PODNL1: variants seen among roughly 807,000 people sequenced by gnomAD.
PODNL1 encodes podocan like 1.
Under a neutral mutation model 45.1 loss-of-function variants are expected in PODNL1, and 50 were observed. That is an observed-to-expected ratio of 1.11 (90% CI 0.88 to 1.40). The LOEUF (loss-of-function observed/expected upper bound fraction) is 1.40, where lower values mean the gene tolerates loss of function less well. Ranked by LOEUF, PODNL1 falls within the 40% of genes most tolerant of loss-of-function variation. The pLI is 0.00. For missense variants in PODNL1, 788 were observed against 793.3 expected, an observed-to-expected ratio of 0.99 and a Z score of 0.08; for synonymous variants, 406 against 372.5, an observed-to-expected ratio of 1.09 and a Z score of -1.04.
In PODNL1 at chr19:13,933,332, C is replaced by T. The variant is rs199509128; in HGVS notation, c.891G>A (p.Ala297=). The change falls in exon 8 of 10, where the codon GCG becomes GCA. Residue 297 remains alanine (A), a synonymous_variant. Coordinates refer to ENST00000588872, the MANE Select transcript of PODNL1 (RefSeq NM_001370095.3). The surrounding 1 kb of genome is among the most constrained non-coding windows in gnomAD (Gnocchi z 5.2). ...LGRNRIRQVE[A]ARLHGARGLR... Reference sequence around the variant, plus strand: ...GACCACGCGCCCCGTGCAGCCGAGCCGCCTCCACCTGCCGGATGCGGTTGC... The same window carrying T: ...GACCACGCGCCCCGTGCAGCCGAGCTGCCTCCACCTGCCGGATGCGGTTGC... 271 of 1,603,568 alleles carry T rather than the reference C, an allele frequency of 1.7e-4. No individual in the cohort carries two copies. In the African/African-American group the frequency reaches 2.0e-3, roughly 12 times the overall value.
upstream of PODNL1, chr19:13,938,486 C>T: frequency 1.6e-6 from 2 of 1,226,786 alleles, no homozygotes; most frequent in Non-Finnish European, 2.0e-6. Flanking sequence ...TGGGCCGGGC[C>T]ACAAGAACAA....
chr19:13,935,859 G>T, intron 4 of PODNL1, 29 bp from the exon 5 acceptor site: 1 of 1,583,508 alleles, frequency 6.3e-7, no homozygotes, highest in Non-Finnish European at 8.6e-7. Flanking sequence ...CAGCCGGACT[G>T]GTCCTGGTGC....
intron 1 of PODNL1, among the ~76,000 whole-genome samples, chr19:13,948,301 T>C (rs188537795): frequency 5.3e-5 from 8 of 150,474 alleles, no homozygotes; most frequent in African/African-American, 2.4e-5. Flanking sequence ...CCCAGGTTCA[T>C]GCCATTCTCC....
chr19:13,938,123 C>T, intron 1 of PODNL1, 56 bp downstream of exon 1: 3 of 1,539,840 alleles, frequency 1.9e-6, no homozygotes, highest in Non-Finnish European at 2.6e-6. Flanking sequence ...GTTGGCAGAG[C>T]AGGGGTGGGG....
intron 1 of PODNL1, chr19:13,949,441 G>GGACT (rs1972929283): frequency 6.6e-6 from 1 of 151,846 alleles, no homozygotes; most frequent in South Asian, 2.1e-4. Context: ...CACGTACATA[G>GGACT]GACTACAGAC....
At chr19:13,952,175 C>G (rs1973068783) in intron 1 of PODNL1, among the ~76,000 whole-genome samples, 1 of 152,396 alleles carries the variant, frequency 6.6e-6, no homozygotes, top group Non-Finnish European at 1.5e-5. Context: ...CCTGGACCGC[C>G]TGTGGTCTCC....
intron 5 of PODNL1, among the ~76,000 whole-genome samples, chr19:13,934,883 C>T (rs940556385): frequency 6.6e-6 from 1 of 150,420 alleles, no homozygotes; most frequent in African/African-American, 2.5e-5. Context: ...GAGTGTGCAA[C>T]TGTGTGTATG....
At position 13,931,981 on chromosome 19, in the gene PODNL1, C is replaced by A. The variant is rs1032109626; in HGVS notation, c.1557G>T (p.Leu519=). 1.6e-6 allele frequency: 2 copies of A among 1,232,358 alleles called. No homozygotes were observed. Among genetic ancestry groups the A allele is most frequent in the South Asian group, 4.1e-5 (1 of 24,326 alleles). The allele number at this position is 1,232,358 out of a possible 1,614,324, so 76.3% of individuals were successfully genotyped here. A position where few individuals can be genotyped will look rare whatever the true frequency, so the allele number is the denominator to read the frequency against. The change falls in exon 9 of 10, where the codon CTG becomes CTT. Residue 519 remains leucine (L), a synonymous_variant. Coordinates refer to ENST00000588872, the MANE Select transcript of PODNL1 (RefSeq NM_001370095.3). ...GPEAFLSTPR[L]RALFLRANRL... Reference sequence around the variant, plus strand: ...CGGGGCACCTGAGGAAGAGGGCACGCAGGCGGGGTGTGCTGAGGAAGGCCT... The same window carrying A: ...CGGGGCACCTGAGGAAGAGGGCACGAAGGCGGGGTGTGCTGAGGAAGGCCT...
At position 13,934,056 on chromosome 19, in the gene PODNL1, G is replaced by A. The variant is rs962354256; in HGVS notation, c.652-63C>T. 39 of 1,463,996 alleles carry A rather than the reference G, an allele frequency of 2.7e-5. No individual in the cohort carries two copies. The East Asian group carries it at 5.9e-4, about 22-fold the overall frequency. 90.7% of individuals were successfully genotyped at this position (1,463,996 alleles called of 1,614,324 possible). On this transcript the variant is annotated intron_variant, in intron 6 of 9. Coordinates refer to ENST00000588872, the MANE Select transcript of PODNL1 (RefSeq NM_001370095.3). ...ATGAGGGCAGCGGGAAGCCACAGAC[G>A]GCTCTTGAGTAAGGGAGTGACGAGG...
upstream of PODNL1, among the ~76,000 whole-genome samples, chr19:13,941,207 A>C (rs1247695340): frequency 6.6e-6 from 1 of 151,466 alleles, no homozygotes; most frequent in African/African-American, 2.4e-5. Context: ...CTCTACTAAA[A>C]ATACAAAAAT....
upstream of PODNL1, among the ~76,000 whole-genome samples, chr19:13,942,281 G>C (rs993272688): frequency 7.9e-5 from 12 of 152,146 alleles, no homozygotes; most frequent in Admixed American, 5.9e-4. Flanking sequence ...ATTCTCTCTT[G>C]AACTCTGAAC....
At chr19:13,938,506 G>A, upstream of PODNL1, 1 of 1,184,660 alleles carries the variant, frequency 8.4e-7, no homozygotes, top group Non-Finnish European at 1.0e-6. Flanking sequence ...AGGAATGTTT[G>A]GGGAAAAGCT....
chr19:13,933,503 G>A lies in PODNL1; in HGVS notation c.768-48C>T. ...TTAGGTGGGGCACTTGGAGTGGGGTGCCTGACAGATTTTGGCGGGGAGGCT... is the reference window on the plus strand; with the variant it reads ...TTAGGTGGGGCACTTGGAGTGGGGTACCTGACAGATTTTGGCGGGGAGGCT... On this transcript the variant is annotated intron_variant, in intron 7 of 9. Coordinates refer to ENST00000588872, the MANE Select transcript of PODNL1 (RefSeq NM_001370095.3). The surrounding 1 kb of genome is among the most constrained non-coding windows in gnomAD (Gnocchi z 5.2). 6.6e-7 allele frequency: 1 copy of A among 1,509,028 alleles called. No individual in the cohort carries two copies. 93.5% of individuals were successfully genotyped at this position (1,509,028 alleles called of 1,614,324 possible).
intron 1 of PODNL1, chr19:13,952,716 G>C: frequency 1.5e-6 from 2 of 1,305,776 alleles, no homozygotes; most frequent in Non-Finnish European, 1.9e-6. Context: ...GGAGGGAGGA[G>C]GGCGTTCGCG....
intron 3 of PODNL1, 47 bp downstream of exon 3, chr19:13,936,320 G>T: frequency 6.5e-7 from 1 of 1,528,036 alleles, no homozygotes; most frequent in Non-Finnish European, 9.1e-7. Flanking sequence ...CTGAGACCTC[G>T]GTCAGTCCTA....
chr19:13,953,377 G>A (rs1411848968), exon 1 of PODNL1: 9 of 475,328 alleles, frequency 1.9e-5, no homozygotes, highest in Non-Finnish European at 3.4e-5. Flanking sequence ...GAGGCTGGTA[G>A]CTTTGTAAGG....
At chr19:13,938,062 G>C in intron 1 of PODNL1, 56 bp from the exon 2 acceptor site, 2 of 1,455,682 alleles carry the variant, frequency 1.4e-6, no homozygotes, top group Non-Finnish European at 1.9e-6. Context: ...TCGCCATGGT[G>C]ACTGGAGCAT....
chr19:13,934,937 G>A (rs1488430518), intron 5 of PODNL1, among the ~76,000 whole-genome samples: 1 of 151,926 alleles, frequency 6.6e-6, no homozygotes, highest in South Asian at 2.1e-4. Flanking sequence ...AAAAGTGTGA[G>A]CATTGTGTAC....
At chr19:13,945,546 GC>G (rs1414423832) in intron 1 of PODNL1, among the ~76,000 whole-genome samples, 1 of 151,556 alleles carries the variant, frequency 6.6e-6, no homozygotes, top group African/African-American at 2.4e-5. Flanking sequence ...GAGTGCAGTG[GC>G]ATGATCTCGG....
Sources: gnomAD v4.1 joint callset for allele counts (sites outside exome capture counted in the v4.1 genomes callset) on GRCh38, gnomAD v4.1.1 for gene constraint, Gnocchi (gnomAD v3.1) non-coding constraint, MANE v1.5 for transcripts, NCBI Gene and HGNC (gene_info 2026-07-23, HGNC 2026-07-21) for gene names.